LPP: variants seen among roughly 807,000 people sequenced by gnomAD.
LPP encodes the protein LIM domain containing preferred translocation partner in lipoma.
Under a neutral mutation model 60.4 loss-of-function variants are expected in LPP, and 38 were observed. The observed-to-expected ratio is 0.63, with a 90% CI of 0.49 to 0.83. The LOEUF (loss-of-function observed/expected upper bound fraction) is 0.83. Ranked by LOEUF, LPP falls within the 40% of genes least tolerant of loss-of-function variation. The pLI is 0.00. For synonymous variants in LPP, 328 were observed against 290.8 expected, an observed-to-expected ratio of 1.13 and a Z score of -1.30; for missense variants, 902 against 783.6, an observed-to-expected ratio of 1.15 and a Z score of -1.80.
intron 5 of LPP, among the ~76,000 whole-genome samples, chr3:188,516,503 A>G (rs984162360): frequency 1.3e-5 from 2 of 151,808 alleles, no homozygotes; most frequent in African/African-American, 4.8e-5. Context: ...GTCAATTGGT[A>G]TTTTCATGGC....
At chr3:188,482,434 C>T (rs1397480301) in intron 4 of LPP, among the ~76,000 whole-genome samples, 1 of 152,160 alleles carries the variant, frequency 6.6e-6, no homozygotes, top group Non-Finnish European at 1.5e-5. Context: ...CAGTAAAAAA[C>T]TTCTTGACAG....
chr3:188,571,428 C>CAA (rs5855209), intron 6 of LPP, among the ~76,000 whole-genome samples: 2 of 147,038 alleles, frequency 1.4e-5, no homozygotes, highest in Non-Finnish European at 3.0e-5. Flanking sequence ...TCTAGGATCA[C>CAA]AAAAAAAAAA....
intron 9 of LPP, among the ~76,000 whole-genome samples, chr3:188,778,767 C>T (rs185808692): frequency 6.6e-6 from 1 of 152,264 alleles, no homozygotes; most frequent in African/African-American, 2.4e-5. Flanking sequence ...AACCCTGCAA[C>T]AAAGTTCTAT....
chr3:188,214,805 G>A (rs1462546298), intron 1 of LPP, among the ~76,000 whole-genome samples: 3 of 152,158 alleles, frequency 2.0e-5, no homozygotes, highest in African/African-American at 7.2e-5. Flanking sequence ...AGAGGTTGGA[G>A]TAAATAATAC....
At chr3:188,547,616 T>A (rs1025190) in intron 6 of LPP, among the ~76,000 whole-genome samples, 70,766 of 152,050 alleles carry the variant, frequency 0.47, 17,282 homozygotes, top group East Asian at 0.93. Context: ...GCATTTGCGA[T>A]TTAATTGTTA....
rs145672910 is a variant in LPP at position 188,583,615 on chromosome 3, C to G, written c.430-25546C>G. Among the ~76,000 whole-genome samples the G allele has an allele frequency of 3.0e-3, 458 of 152,290 alleles. 2 individuals carry two copies. Among genetic ancestry groups the G allele is most frequent in the African/African-American group, 0.011 (444 of 41,560 alleles). On this transcript the variant is annotated intron_variant, in intron 6 of 11. Coordinates refer to ENST00000617246, the MANE Select transcript of LPP (RefSeq NM_001375462.1). ...AACCTCTTTCCACCCATTTTAAGTT[C>G]CATGAGGACGATGACCATTGACCCG...
At chr3:188,597,127 C>T (rs1840141818) in intron 6 of LPP, among the ~76,000 whole-genome samples, 1 of 152,160 alleles carries the variant, frequency 6.6e-6, no homozygotes, top group African/African-American at 2.4e-5. Context: ...AATCCTGACC[C>T]TCTGAAGACC....
chr3:188,833,503 TG>T (rs1329006315), intron 9 of LPP, among the ~76,000 whole-genome samples: 3 of 152,210 alleles, frequency 2.0e-5, no homozygotes, highest in African/African-American at 7.2e-5. Context: ...TTGATGCTTC[TG>T]CATGCAAGAA....
chr3:188,267,088 G>A (rs1265337714), intron 2 of LPP, among the ~76,000 whole-genome samples: 1 of 152,160 alleles, frequency 6.6e-6, no homozygotes, highest in East Asian at 1.9e-4. Flanking sequence ...CTGAGCAGCA[G>A]CGTACCTGGG....
intron 7 of LPP, among the ~76,000 whole-genome samples, chr3:188,616,804 T>C (rs1379385906): frequency 6.6e-6 from 1 of 152,202 alleles, no homozygotes; most frequent in Non-Finnish European, 1.5e-5. Context: ...GTTTTGCATA[T>C]ATTTTGGTAA....
chr3:188,591,078 G>A (rs1374716978), intron 6 of LPP, among the ~76,000 whole-genome samples: 1 of 152,170 alleles, frequency 6.6e-6, no homozygotes, highest in Admixed American at 6.5e-5. Flanking sequence ...ACAGCCAGAG[G>A]ATTACTTTCA....
At position 188,365,117 on chromosome 3, in the gene LPP, C is replaced by CT. The variant is rs57752120; in HGVS notation, c.-10+23412dup. ...ATGAGTTTTAAGGGTAATAGAAGCGCTTTTTTTTTTTTTTCTGGTGACCTC... is the reference window on the plus strand; with the variant it reads ...ATGAGTTTTAAGGGTAATAGAAGCGCTTTTTTTTTTTTTTTCTGGTGACCTC... On this transcript the variant is annotated intron_variant, in intron 3 of 11. Transcript: ENST00000617246. 4.1e-3 allele frequency among the ~76,000 whole-genome samples: 579 copies of CT among 142,788 alleles called. 11 individuals carry two copies. Among genetic ancestry groups the CT allele is most frequent in the African/African-American group, 0.013 (511 of 38,700 alleles). 93.7% of individuals were successfully genotyped at this position (142,788 alleles called of 152,430 possible).
intron 3 of LPP, among the ~76,000 whole-genome samples, chr3:188,379,427 A>G (rs116058633): frequency 0.037 from 5,686 of 152,304 alleles, 150 homozygotes; most frequent in Non-Finnish European, 0.061. Flanking sequence ...CTCAAAGAGT[A>G]GAATTCAGTA....
intron 3 of LPP, among the ~76,000 whole-genome samples, chr3:188,372,232 A>G (rs2151082712): frequency 6.6e-6 from 1 of 152,206 alleles, no homozygotes; most frequent in East Asian, 1.9e-4. Flanking sequence ...CCCCCTCTAT[A>G]AATGGTAGGT....
chr3:188,689,935 A>G (rs1263118139), intron 7 of LPP, among the ~76,000 whole-genome samples: 1 of 150,736 alleles, frequency 6.6e-6, no homozygotes, highest in Non-Finnish European at 1.5e-5. Context: ...TTTTTGGCTC[A>G]ATAAGTGACC....
Position 188,609,919 on chromosome 3 carries a change from C to T in LPP, c.1113+75C>T, listed in dbSNP as rs527305074. 1.1e-5 allele frequency: 15 copies of T among 1,409,888 alleles called. No individual in the cohort carries two copies. In the African/African-American group the frequency reaches 1.7e-4, roughly 16 times the overall value. 87.3% of individuals were successfully genotyped at this position (1,409,888 alleles called of 1,614,324 possible). ...GTCTGCCTTCCCCAGGAAGCGAAGC[C>T]TAAGGCAAAAGTGTGTGTGTTACTT... On this transcript the variant is annotated intron_variant, in intron 7 of 11. Transcript: ENST00000617246. This position sits in a 1 kb window ranked among gnomAD's most constrained non-coding sequence, Gnocchi z 6.9.
Position 188,381,607 on chromosome 3 carries a change from G to C in LPP, c.-9-24505G>C, listed in dbSNP as rs529512345. Among the ~76,000 whole-genome samples the C allele has an allele frequency of 2.6e-5, 4 of 152,314 alleles. No homozygotes were observed. The South Asian group carries it at 8.3e-4, about 32-fold the overall frequency. Reference sequence around the variant, plus strand: ...TAGGTACCCACTTTCCGATTCGGGGGACTGGATTGTGTCATTCATTGAAAT... The same window carrying C: ...TAGGTACCCACTTTCCGATTCGGGGCACTGGATTGTGTCATTCATTGAAAT... On this transcript the variant is annotated intron_variant, in intron 3 of 11. Coordinates refer to ENST00000617246, the MANE Select transcript of LPP (RefSeq NM_001375462.1).
intron 10 of LPP, 147 bp downstream of exon 10, chr3:188,866,525 C>G (rs754159376): frequency 1.0e-5 from 6 of 588,620 alleles, no homozygotes; most frequent in Non-Finnish European, 1.6e-5. Context: ...TTGATCCCCT[C>G]CTCCAATGCA....
At chr3:188,677,177 A>C (rs1480402787) in intron 7 of LPP, among the ~76,000 whole-genome samples, 2 of 152,148 alleles carry the variant, frequency 1.3e-5, no homozygotes, top group African/African-American at 4.8e-5. Flanking sequence ...ACCCATCTAA[A>C]CCATACCTGC....
Sources: gnomAD v4.1 joint callset for allele counts (sites outside exome capture counted in the v4.1 genomes callset) on GRCh38, gnomAD v4.1.1 for gene constraint, Gnocchi (gnomAD v3.1) non-coding constraint, MANE v1.5 for transcripts, NCBI Gene and HGNC (gene_info 2026-07-23, HGNC 2026-07-21) for gene names.